SGCZ: variants seen among roughly 807,000 people sequenced by gnomAD.
SGCZ encodes zeta-sarcoglycan.
Under a neutral mutation model 41.3 loss-of-function variants are expected in SGCZ, and 40 were observed. The ratio of observed to expected loss-of-function variants is 0.97; its 90% CI spans 0.75 to 1.26. The LOEUF is 1.26. Among genes scored for constraint, SGCZ ranks in the 50% most tolerant of loss-of-function variants. The probability of loss-of-function intolerance (pLI) is 0.00; values close to 1 mark genes in which losing one functional copy is unlikely to be tolerated. For synonymous variants in SGCZ, 206 were observed against 137.5 expected (o/e 1.50, Z -3.49); for missense variants, 552 against 369.8 (o/e 1.49, Z -4.04).
At position 14,779,370 on chromosome 8, in the gene SGCZ, C is replaced by A. The variant is rs1002184501; in HGVS notation, c.40-224444G>T. Among the ~76,000 whole-genome samples the A allele has an allele frequency of 2.7e-4, 41 of 152,142 alleles. 1 individual carries two copies. The highest frequency in any genetic ancestry group is 9.4e-4 in the African/African-American group (39 of 41,424). ...ATGCAGAGAAGTCAATTTTCCAGCA[C>A]TAATTTATTGGACAGATGAGTATGC... On this transcript the variant is annotated intron_variant, in intron 1 of 7. Coordinates refer to ENST00000382080, the MANE Select transcript of SGCZ (RefSeq NM_139167.4).
intron 1 of SGCZ, among the ~76,000 whole-genome samples, chr8:15,220,390 C>G (rs1480424298): frequency 6.6e-6 from 1 of 152,068 alleles, no homozygotes; most frequent in Non-Finnish European, 1.5e-5. Flanking sequence ...AACAATGGCT[C>G]ACTGGAATGA....
intron 1 of SGCZ, among the ~76,000 whole-genome samples, chr8:14,949,493 A>G (rs1400117992): frequency 6.6e-6 from 1 of 152,154 alleles, no homozygotes; most frequent in Admixed American, 6.6e-5. Context: ...TGTCTAGAGC[A>G]TGAAGATTTA....
At chr8:14,196,826 A>C (rs1045227125) in intron 4 of SGCZ, among the ~76,000 whole-genome samples, 2 of 152,200 alleles carry the variant, frequency 1.3e-5, no homozygotes, top group Non-Finnish European at 2.9e-5. Flanking sequence ...AATATTTGCC[A>C]TGCTAGCAAG....
At chr8:14,681,317 TG>T (rs1808439951) in intron 1 of SGCZ, among the ~76,000 whole-genome samples, 1 of 152,068 alleles carries the variant, frequency 6.6e-6, no homozygotes, top group Admixed American at 6.5e-5. Context: ...CACAAGACAA[TG>T]AAGTGCCATA....
intron 1 of SGCZ, among the ~76,000 whole-genome samples, chr8:14,704,755 T>A (rs1267745610): frequency 6.6e-6 from 1 of 151,962 alleles, no homozygotes; most frequent in Non-Finnish European, 1.5e-5. Context: ...CTTTTTAAGA[T>A]GCTACTCCCT....
intron 1 of SGCZ, among the ~76,000 whole-genome samples, chr8:14,873,568 G>A (rs1468487686): frequency 6.6e-6 from 1 of 152,030 alleles, no homozygotes; most frequent in African/African-American, 2.4e-5. Context: ...ACATGACTAT[G>A]CATTTTCAGA....
At chr8:14,729,111 C>G (rs1205453158) in intron 1 of SGCZ, among the ~76,000 whole-genome samples, 2 of 152,048 alleles carry the variant, frequency 1.3e-5, no homozygotes, top group Non-Finnish European at 2.9e-5. Context: ...CTTAAGAAAC[C>G]CATTCTATCA....
At chr8:14,868,280 A>C (rs2130696666) in intron 1 of SGCZ, among the ~76,000 whole-genome samples, 1 of 152,290 alleles carries the variant, frequency 6.6e-6, no homozygotes, top group East Asian at 1.9e-4. Context: ...AGCTCTGCTC[A>C]AATCTTGCAT....
chr8:14,318,574 G>A (rs1362564266), intron 3 of SGCZ, among the ~76,000 whole-genome samples: 2 of 151,854 alleles, frequency 1.3e-5, no homozygotes, highest in African/African-American at 4.8e-5. Flanking sequence ...GCTAGAAAAA[G>A]CTCATAAGTA....
chr8:14,524,442 T>C (rs1444045443), intron 2 of SGCZ, among the ~76,000 whole-genome samples: 2 of 152,046 alleles, frequency 1.3e-5, no homozygotes, highest in African/African-American at 2.4e-5. Context: ...CTGCTCTTTA[T>C]ATGACCCTCA....
At chr8:14,384,529 A>T (rs1804498047) in intron 2 of SGCZ, among the ~76,000 whole-genome samples, 1 of 152,136 alleles carries the variant, frequency 6.6e-6, no homozygotes, top group Non-Finnish European at 1.5e-5. Context: ...TCCTTTAGCT[A>T]TGTCTAATTA....
chr8:14,968,021 A>C (rs1801176117), intron 1 of SGCZ, among the ~76,000 whole-genome samples: 1 of 152,180 alleles, frequency 6.6e-6, no homozygotes, highest in African/African-American at 2.4e-5. Flanking sequence ...CTTGTACAAA[A>C]TTTAATCCAA....
intron 1 of SGCZ, among the ~76,000 whole-genome samples, chr8:15,077,489 T>C (rs1291174437): frequency 1.3e-5 from 2 of 152,242 alleles, no homozygotes; most frequent in African/African-American, 4.8e-5. Flanking sequence ...ATTTAGTGTG[T>C]GTTCCACCAT....
intron 4 of SGCZ, among the ~76,000 whole-genome samples, chr8:14,224,891 C>T (rs538821467): frequency 6.6e-6 from 1 of 152,292 alleles, no homozygotes; most frequent in Non-Finnish European, 1.5e-5. Flanking sequence ...TTCCTCAAGC[C>T]ACTAAATATT....
At chr8:14,582,944 T>C (rs1444964473) in intron 1 of SGCZ, among the ~76,000 whole-genome samples, 6 of 152,012 alleles carry the variant, frequency 3.9e-5, no homozygotes, top group East Asian at 1.9e-4. Flanking sequence ...GTCTTTGCTA[T>C]GGTGAATAGT....
At chr8:14,245,642 A>G (rs971672543) in intron 3 of SGCZ, among the ~76,000 whole-genome samples, 2 of 152,034 alleles carry the variant, frequency 1.3e-5, no homozygotes, top group African/African-American at 4.8e-5. Context: ...AGAAACTACC[A>G]TCAGCGTGAA....
intron 2 of SGCZ, among the ~76,000 whole-genome samples, chr8:14,343,274 G>C (rs186498283): frequency 1.3e-5 from 2 of 152,162 alleles, no homozygotes; most frequent in Admixed American, 1.3e-4. Flanking sequence ...TCCTACTGGG[G>C]CACTGCCTAG....
chr8:14,491,176 A>G (rs1246145388), intron 2 of SGCZ, among the ~76,000 whole-genome samples: 8 of 152,194 alleles, frequency 5.3e-5, no homozygotes, highest in Admixed American at 2.0e-4. Flanking sequence ...GCAGGTATGT[A>G]GGAATGTTTA....
intron 4 of SGCZ, among the ~76,000 whole-genome samples, chr8:14,186,467 T>C (rs1030841069): frequency 2.0e-5 from 3 of 152,198 alleles, no homozygotes; most frequent in African/African-American, 7.2e-5. Flanking sequence ...CAACATTTCT[T>C]AAATCCATGG....
Sources: allele counts gnomAD v4.1 joint callset (sites outside exome capture counted in the v4.1 genomes callset), GRCh38; gene constraint gnomAD v4.1.1; transcripts MANE v1.5; gene names NCBI Gene and HGNC (gene_info 2026-07-23, HGNC 2026-07-21).